Variants in FERMT2 observed in about 807,000 individuals in gnomAD.
FERMT2 encodes FERM domain containing kindlin 2.
FERMT2 carries 15 observed loss-of-function variants against 82.7 expected under a neutral mutation model. That is an observed-to-expected ratio of 0.18 (90% confidence interval 0.12 to 0.28). The LOEUF is 0.28. Among genes scored for constraint, FERMT2 ranks in the 10% least tolerant of loss-of-function variants. The pLI is 1.00. For missense variants in FERMT2, 645 were observed against 809.4 expected (o/e 0.80, Z 2.46); for synonymous variants, 274 against 271.5 (o/e 1.01, Z -0.09).
At chr14:52,923,742 T>C (rs1002363704) in intron 2 of FERMT2, among the ~76,000 whole-genome samples, 1 of 151,874 alleles carries the variant, frequency 6.6e-6, no homozygotes, top group Admixed American at 6.6e-5. Context: ...GCAACGCTGG[T>C]AAAACTAGTC....
At chr14:52,918,175 A>G (rs1888727304) in intron 3 of FERMT2, among the ~76,000 whole-genome samples, 1 of 152,236 alleles carries the variant, frequency 6.6e-6, no homozygotes, top group Non-Finnish European at 1.5e-5. Flanking sequence ...ATGTAAATTA[A>G]TAGTACGTCT....
chr14:52,902,413 A>AAAG (rs1566740186), intron 3 of FERMT2, among the ~76,000 whole-genome samples: 1 of 151,446 alleles, frequency 6.6e-6, no homozygotes, highest in East Asian at 1.9e-4. Context: ...ACAAAAAAAA[A>AAAG]AGAGAGAGAG....
At position 52,919,328 on chromosome 14, in the gene FERMT2, A is replaced by G; in HGVS notation, c.186T>C (p.Ala62=). The change falls in exon 3 of 15, where the codon GCT becomes GCC. Residue 62 remains alanine, a synonymous_variant. Coordinates refer to ENST00000341590, the MANE Select transcript of FERMT2 (RefSeq NM_006832.3). ...LDVKKDWSDH[A]LWWEKKRTWL... is the part of the protein sequence containing the mutation. Reference sequence around the variant, plus strand: ...AAGTTCTCTTCTTTTCCCACCAGAGAGCATGGTCAGACCAATCTTTTTTTA... The same window carrying G: ...AAGTTCTCTTCTTTTCCCACCAGAGGGCATGGTCAGACCAATCTTTTTTTA... 1.2e-6 allele frequency: 2 copies of G among 1,613,110 alleles called. No individual in the cohort carries two copies. The highest frequency in any genetic ancestry group is 1.7e-6 in the Non-Finnish European group (2 of 1,179,236).
intron 2 of FERMT2, among the ~76,000 whole-genome samples, chr14:52,927,592 T>TAAAAAAAAAAAAAAAAAA (rs71125150): frequency 8.9e-5 from 3 of 33,724 alleles, no homozygotes; most frequent in African/African-American, 1.3e-4. Flanking sequence ...CTCATCCCTA[T>TAAAAAAAAAAAAAAAAAA]AAAAAAAAAA....
At chr14:52,924,960 C>T (rs1007290796) in intron 2 of FERMT2, among the ~76,000 whole-genome samples, 2 of 152,074 alleles carry the variant, frequency 1.3e-5, no homozygotes, top group Non-Finnish European at 2.9e-5. Flanking sequence ...TCAAAACTTC[C>T]TAAAGACCCG....
At chr14:52,932,990 T>C (rs982466985) in intron 2 of FERMT2, among the ~76,000 whole-genome samples, 1 of 152,096 alleles carries the variant, frequency 6.6e-6, no homozygotes, top group Non-Finnish European at 1.5e-5. Context: ...AGCGTTATTA[T>C]TAATCAACAA....
intron 12 of FERMT2, chr14:52,860,864 T>C (rs1884885972): frequency 1.5e-6 from 1 of 671,570 alleles, no homozygotes; most frequent in African/African-American, 1.9e-5. Flanking sequence ...AGCAGGAATA[T>C]TTGTTAGCAG....
chr14:52,875,273 G>A lies in FERMT2; in HGVS notation c.1048C>T (p.Leu350Phe). ...TCCAGAGTAATCTCCAGGTCTGAAAGGGCAGCATCAACTTCATCAACTTCT... is the reference window on the plus strand; with the variant it reads ...TCCAGAGTAATCTCCAGGTCTGAAAAGGCAGCATCAACTTCATCAACTTCT... ...DKEVDEVDAA[L>F]SDLEITLEGG... The change falls in exon 8 of 15, where the codon CTT (leucine) becomes TTT (phenylalanine). Residue 350 changes from leucine (L) to phenylalanine (F), a missense_variant. Leu to Phe is a conservative substitution (Grantham distance 22, BLOSUM62 0). Transcript: ENST00000341590. 1 of 1,613,340 alleles carries A rather than the reference G, an allele frequency of 6.2e-7. No individual in the cohort carries two copies. Among genetic ancestry groups the A allele is most frequent in the South Asian group, 1.1e-5 (1 of 90,946 alleles).
rs575931705 is a variant in FERMT2 at position 52,922,777 on chromosome 14, A to C, written c.158-3421T>G. On this transcript the variant is annotated intron_variant, in intron 2 of 14. Coordinates refer to ENST00000341590, the MANE Select transcript of FERMT2 (RefSeq NM_006832.3). ...TAAATGTGAAGCTGGAGGTTAGCAA[A>C]CTATGAATGGCCCAAGGACCAAATC... 9.8e-5 allele frequency among the ~76,000 whole-genome samples: 15 copies of C among 152,350 alleles called. 1 individual carries two copies. The South Asian group carries it at 3.1e-3, about 32-fold the overall frequency.
chr14:52,887,166 C>T (rs370202571), intron 4 of FERMT2, among the ~76,000 whole-genome samples: 1,602 of 149,028 alleles, frequency 0.011, 28 homozygotes, highest in African/African-American at 0.038. Flanking sequence ...GATGGAGTCT[C>T]GCTCTGTCGC....
In FERMT2 at chr14:52,881,151, A is replaced by AGAACAGTG; in HGVS notation, c.753-21_753-14dup. The AGAACAGTG allele has an allele frequency of 6.2e-7, 1 of 1,606,658 alleles. No homozygotes were observed. ...GGAATCAAGCCATCTGGACAAATTA[A>AGAACAGTG]GAACAGTGGAACAAAACAACACAGA... On this transcript the variant is annotated splice_polypyrimidine_tract_variant and intron_variant, in intron 5 of 14. Transcript: ENST00000341590.
rs777584635 is a variant in FERMT2 at position 52,875,309 on chromosome 14, T to G, written c.1012A>C (p.Asn338His). 36 of 1,611,400 alleles carry G rather than the reference T, an allele frequency of 2.2e-5. No homozygotes were observed. The South Asian group carries it at 4.0e-4, about 18-fold the overall frequency. The stretch of plus-strand genomic sequence containing the variant: ...ACTTCATCAACTTCTTTGTCACTGT[T>G]GTTCAAATGATTCTCTGATGTCATG... ...SIMTSENHLN[N>H]SDKEVDEVDA... The change falls in exon 8 of 15, where the codon AAC becomes CAC. Residue 338 changes from asparagine to histidine, a missense_variant. By Grantham distance (68) the Asn-to-His change is moderately conservative. Coordinates refer to ENST00000341590, the MANE Select transcript of FERMT2 (RefSeq NM_006832.3).
chr14:52,884,499 G>A (rs181334702), intron 4 of FERMT2, among the ~76,000 whole-genome samples: 1 of 152,204 alleles, frequency 6.6e-6, no homozygotes, highest in East Asian at 1.9e-4. Context: ...AGCTACTTGG[G>A]AGGCTGAGGC....
Position 52,919,216 on chromosome 14 carries a change from G to T in FERMT2, c.298C>A (p.Arg100Ser). 2 of 1,614,062 alleles carry T rather than the reference G, an allele frequency of 1.2e-6. No individual in the cohort carries two copies. The highest frequency in any genetic ancestry group is 4.5e-5 in the East Asian group (2 of 44,868). ...TACTTCATGTTGGGAAGCTGCAGGCGGAGCAGTTTGTGCTGAGGGGTGAAC... is the reference window on the plus strand; with the variant it reads ...TACTTCATGTTGGGAAGCTGCAGGCTGAGCAGTTTGTGCTGAGGGGTGAAC... The part of the protein sequence containing the change: ...LQFTPQHKLL[R>S]LQLPNMKYVK... Residue 100 changes from arginine (R) to serine (S), a missense_variant, in exon 3 of 15, where the codon CGC (arginine) becomes AGC (serine). Transcript: ENST00000341590.
chr14:52,870,065 G>A (rs985107905), intron 10 of FERMT2, among the ~76,000 whole-genome samples: 3 of 152,166 alleles, frequency 2.0e-5, no homozygotes, highest in South Asian at 4.1e-4. Context: ...AAAGGGTCAA[G>A]ATGTTAAAAG....
chr14:52,927,984 C>A (rs1294541554), intron 2 of FERMT2: 1 of 370,970 alleles, frequency 2.7e-6, no homozygotes, highest in South Asian at 1.9e-5. Flanking sequence ...TGAAGTAATT[C>A]TTTTTTAAAA....
rs776619821 is a variant in FERMT2 at position 52,893,357 on chromosome 14, C to A, written c.462G>T (p.Lys154Asn). Residue 154 changes from lysine (K) to asparagine (N), a missense_variant, in exon 4 of 15, where the codon AAG (lysine) becomes AAT (asparagine). Physicochemically the swap from Lys to Asn is moderately conservative, Grantham distance 94. Coordinates refer to ENST00000341590, the MANE Select transcript of FERMT2 (RefSeq NM_006832.3). ...CCTCATCTTCAGACTGGTCATCTAG[C>A]TTCTTCTTTTTTTTCTTTGTTGGAT... ...PRDPTKKKKKKLDDQSEDEAL... is the reference protein window; with the variant it reads ...PRDPTKKKKKNLDDQSEDEAL... The A allele has an allele frequency of 6.2e-7, 1 of 1,612,602 alleles. No homozygotes were observed. Among genetic ancestry groups the A allele is most frequent in the Admixed American group, 1.7e-5 (1 of 59,848 alleles).
At chr14:52,938,037 T>C (rs958047312) in intron 2 of FERMT2, among the ~76,000 whole-genome samples, 12 of 152,202 alleles carry the variant, frequency 7.9e-5, no homozygotes, top group Middle Eastern at 3.2e-3. Context: ...ACTACACTTA[T>C]TTTGTTTATA....
chr14:52,950,304 C>G, intron 2 of FERMT2, 108 bp downstream of exon 2: 1 of 1,107,472 alleles, frequency 9.0e-7, no homozygotes, highest in South Asian at 1.5e-5. Flanking sequence ...AAAGCATTTG[C>G]GAGATGCCAA....
Sources: gnomAD v4.1 joint callset for allele counts (sites outside exome capture counted in the v4.1 genomes callset) on GRCh38, gnomAD v4.1.1 for gene constraint, MANE v1.5 for transcripts, NCBI Gene and HGNC (gene_info 2026-07-23, HGNC 2026-07-21) for gene names.